The following DEFB128 variants were observed in gnomAD, a reference collection of about 807,000 sequenced individuals.
The protein encoded by DEFB128 is defensin beta 128, also known as beta-defensin 128.
Under a neutral mutation model 2.4 loss-of-function variants are expected in DEFB128, and 1 was observed. The observed-to-expected ratio is 0.41, with a 90% CI of 0.15 to 1.96. DEFB128 has a LOEUF of 1.96. DEFB128 is among the 30% of genes most tolerant of loss of function. The pLI is 0.30. For missense variants in DEFB128, 129 were observed against 104.9 expected (o/e 1.23, Z -1.00); for synonymous variants, 59 against 39.1 (o/e 1.51, Z -1.89).
chr20:188,023 C>G lies in DEFB128; in HGVS notation c.145G>C (p.Gly49Arg), dbSNP rs1262545716. The G allele has an allele frequency of 6.2e-7, 1 of 1,613,960 alleles. No individual in the cohort carries two copies. The highest frequency in any genetic ancestry group is 1.7e-5 in the Admixed American group (1 of 59,998). The stretch of plus-strand genomic sequence containing the variant: ...TCATCATTAGCACAACATAATTTCC[C>G]ACTTAGACATCCTATTTCATATCTT... ...GERYEIGCLS[G>R]KLCCANDEEE... Residue 49 changes from glycine (G) to arginine (R), a missense_variant, in exon 2 of 2, where the codon GGG becomes CGG. Physicochemically the swap from Gly to Arg is moderately radical, Grantham distance 125 (BLOSUM62 -2). Coordinates refer to ENST00000334391, the MANE Select transcript of DEFB128 (RefSeq NM_001037732.3).
At position 187,889 on chromosome 20, in the gene DEFB128, G is replaced by T. The variant is rs773945651; in HGVS notation, c.279C>A (p.Val93=). Residue 93 remains valine (V), a synonymous_variant, in exon 2 of 2, where the codon GTC becomes GTA. Transcript: ENST00000334391. ...GAGACAAGGGCTAGATTTAGGATTA[G>T]ACTGTGAAAATGGTGATGGTGGGTA... is the stretch of plus-strand genomic sequence containing the variant. ...IILPTITIFT[V] is the part of the protein sequence containing the mutation. 3 of 1,613,692 alleles carry T rather than the reference G, an allele frequency of 1.9e-6. No individual in the cohort carries two copies. In the African/African-American group the frequency reaches 4.0e-5, roughly 22 times the overall value.
Position 188,084 on chromosome 20 carries a change from T to G in DEFB128, c.84A>C (p.Val28=). The G allele has an allele frequency of 6.2e-7, 1 of 1,614,054 alleles. No individual in the cohort carries two copies. Among genetic ancestry groups the G allele is most frequent in the African/African-American group, 1.3e-5 (1 of 75,050 alleles). ...GARLKKCFNK[V]TGYCRKKCKV... ...TGCATTTCTTCCTGCAATAGCCTGT[T>G]ACTTTATTGAAGCATTTTTTGAGTC... Residue 28 remains valine (V), a synonymous_variant, in exon 2 of 2, where the codon GTA becomes GTC. Coordinates refer to ENST00000334391, the MANE Select transcript of DEFB128 (RefSeq NM_001037732.3).
intron 1 of DEFB128, 65 bp downstream of exon 1, chr20:189,510 T>C (rs2011119241): frequency 2.6e-6 from 4 of 1,540,926 alleles, no homozygotes; most frequent in Non-Finnish European, 3.6e-6. Context: ...ATCTTGAAAG[T>C]CCTGTTCCCA....
At chr20:189,209 C>T (rs112619123) in intron 1 of DEFB128, among the ~76,000 whole-genome samples, 2,865 of 152,288 alleles carry the variant, frequency 0.019, 103 homozygotes, top group African/African-American at 0.065. Context: ...TTTAACCTCA[C>T]ATTGACATGA....
intron 1 of DEFB128, 97 bp from the exon 2 acceptor site, chr20:188,215 C>A (rs1321470283): frequency 1.8e-6 from 2 of 1,082,252 alleles, no homozygotes; most frequent in African/African-American, 3.1e-5. Flanking sequence ...CTCCTATGGT[C>A]CCAAGTGAAC....
At chr20:188,181 A>G in intron 1 of DEFB128, 63 bp from the exon 2 acceptor site, 2 of 1,495,442 alleles carry the variant, frequency 1.3e-6, no homozygotes, top group Non-Finnish European at 1.9e-6. Flanking sequence ...AGAGGTAGGT[A>G]TGTGGTTCCC....
chr20:188,814 G>A (rs1468055917), intron 1 of DEFB128, among the ~76,000 whole-genome samples: 1 of 152,122 alleles, frequency 6.6e-6, no homozygotes, highest in African/African-American at 2.4e-5. Context: ...TCAGAGTAAT[G>A]CACTGAAATT....
rs1377403891 is a variant in DEFB128, at chr20:188,029, G to C, written c.139C>G (p.Leu47Val). 8 of 1,614,024 alleles carry C rather than the reference G, an allele frequency of 5.0e-6. No individual in the cohort carries two copies. Among genetic ancestry groups the C allele is most frequent in the South Asian group, 3.3e-5 (3 of 91,072 alleles). Residue 47 changes from leucine (L) to valine (V), a missense_variant, in exon 2 of 2, where the codon CTA becomes GTA. Coordinates refer to ENST00000334391, the MANE Select transcript of DEFB128 (RefSeq NM_001037732.3). Reference protein sequence around the residue: ...KVGERYEIGCLSGKLCCANDE... With the variant: ...KVGERYEIGCVSGKLCCANDE... ...TTAGCACAACATAATTTCCCACTTA[G>C]ACATCCTATTTCATATCTTTCTCCT...
chr20:188,497 C>T (rs981189566), intron 1 of DEFB128, among the ~76,000 whole-genome samples: 7 of 152,224 alleles, frequency 4.6e-5, no homozygotes, highest in African/African-American at 1.7e-4. Flanking sequence ...AGACGGCTAA[C>T]ATGTCACCAT....
At chr20:189,304 G>A (rs6078041) in intron 1 of DEFB128, among the ~76,000 whole-genome samples, 1 of 152,258 alleles carries the variant, frequency 6.6e-6, no homozygotes, top group East Asian at 1.9e-4. Flanking sequence ...CAGGCTCTCA[G>A]GTGAAAACTG....
chr20:188,439 C>A (rs1296617339), intron 1 of DEFB128, among the ~76,000 whole-genome samples: 1 of 152,220 alleles, frequency 6.6e-6, no homozygotes, highest in Non-Finnish European at 1.5e-5. Flanking sequence ...CTCCACCAAG[C>A]TCCAAAGTCA....
chr20:189,710 T>G lies in DEFB128; in HGVS notation c.-87A>C. The G allele has an allele frequency of 1.4e-6, 2 of 1,477,448 alleles. No homozygotes were observed. Among genetic ancestry groups the G allele is most frequent in the Non-Finnish European group, 1.9e-6 (2 of 1,060,578 alleles). The allele number at this position is 1,477,448 out of a possible 1,614,324, so 91.5% of individuals were successfully genotyped here. On this transcript the variant is annotated 5_prime_UTR_variant, in exon 1 of 2. Transcript: ENST00000334391. Reference sequence around the variant, plus strand: ...GGTCTTTAAAGATGATCCAGAGTTTTGAGAGCTATCAGCGCTCGGAGCTCT... The same window carrying G: ...GGTCTTTAAAGATGATCCAGAGTTTGGAGAGCTATCAGCGCTCGGAGCTCT...
At chr20:188,799 C>T (rs1174053091) in intron 1 of DEFB128, among the ~76,000 whole-genome samples, 1 of 152,132 alleles carries the variant, frequency 6.6e-6, no homozygotes, top group African/African-American at 2.4e-5. Context: ...TACATTGTCA[C>T]CTTCTCAGAG....
intron 1 of DEFB128, among the ~76,000 whole-genome samples, chr20:188,593 G>C (rs116556409): frequency 3.9e-3 from 594 of 152,178 alleles, no homozygotes; most frequent in African/African-American, 0.013. Context: ...AACTTAATTC[G>C]GTTTCACACT....
At chr20:188,147 G>T (rs373723753) in intron 1 of DEFB128, 29 bp from the exon 2 acceptor site, 30 of 1,598,294 alleles carry the variant, frequency 1.9e-5, no homozygotes, top group Non-Finnish European at 2.6e-5. Flanking sequence ...ATTGAACCAA[G>T]GTTAGTGCGT....
Position 189,671 on chromosome 20 carries a change from G to A in DEFB128, c.-48C>T, listed in dbSNP as rs758308034. 7 of 1,601,674 alleles carry A rather than the reference G, an allele frequency of 4.4e-6. No individual in the cohort carries two copies. In the Admixed American group the frequency reaches 1.2e-4, roughly 27 times the overall value. Reference sequence around the variant, plus strand: ...AGAGGCAGCAGAACTTTGTCCAGTGGTCTGTGTGCCACAGGTCTTTAAAGA... The same window carrying A: ...AGAGGCAGCAGAACTTTGTCCAGTGATCTGTGTGCCACAGGTCTTTAAAGA... On this transcript the variant is annotated 5_prime_UTR_variant, in exon 1 of 2. Transcript: ENST00000334391.
At chr20:188,235 A>G (rs939166067) in intron 1 of DEFB128, 117 bp from the exon 2 acceptor site, 4 of 950,898 alleles carry the variant, frequency 4.2e-6, no homozygotes, top group Admixed American at 4.0e-5. Context: ...CATTATGCTG[A>G]TAAAAGGAAA....
In DEFB128 at chr20:189,560, A is replaced by C; in HGVS notation, c.49+15T>G. On this transcript the variant is annotated intron_variant, in intron 1 of 1. Transcript: ENST00000334391. ...AATATCTCTTAGGATGTTATAGTAC[A>C]TTTGGACAAGTTACCTGTGAGTACC... The C allele has an allele frequency of 6.2e-7, 1 of 1,612,524 alleles. No homozygotes were observed. The highest frequency in any genetic ancestry group is 8.5e-7 in the Non-Finnish European group (1 of 1,178,584).
chr20:188,232 C>T, intron 1 of DEFB128, 114 bp from the exon 2 acceptor site: 3 of 978,908 alleles, frequency 3.1e-6, no homozygotes, highest in Non-Finnish European at 3.2e-6. Flanking sequence ...GAACATTATG[C>T]TGATAAAAGG....
Sources: gnomAD v4.1 joint callset for allele counts (sites outside exome capture counted in the v4.1 genomes callset) on GRCh38, gnomAD v4.1.1 for gene constraint, MANE v1.5 for transcripts, NCBI Gene and HGNC (gene_info 2026-07-23, HGNC 2026-07-21) for gene names.